The following SLC44A1 variants were observed in gnomAD, a reference collection of about 807,000 sequenced individuals.
SLC44A1 encodes solute carrier family 44 member 1.
A neutral mutation model predicts 79.3 loss-of-function variants in SLC44A1; 26 were observed. The ratio of observed to expected loss-of-function variants is 0.33; its 90% CI spans 0.24 to 0.46. The LOEUF (loss-of-function observed/expected upper bound fraction) is 0.46. Among genes scored for constraint, SLC44A1 ranks in the 20% least tolerant of loss-of-function variants. The probability of loss-of-function intolerance (pLI) is 1.00; values close to 1 mark genes in which losing one functional copy is unlikely to be tolerated. For missense variants in SLC44A1, 688 were observed against 798.1 expected (o/e 0.86, Z 1.66); for synonymous variants, 263 against 286.2 (o/e 0.92, Z 0.82).
intron 4 of SLC44A1, among the ~76,000 whole-genome samples, chr9:105,341,165 T>A (rs1827075430): frequency 1.3e-5 from 2 of 151,996 alleles, no homozygotes; most frequent in South Asian, 4.2e-4. Flanking sequence ...TGAAACCTCA[T>A]CTCTACTAAA....
Position 105,383,022 on chromosome 9 carries a change from C to G in SLC44A1, c.1633-101C>G. ...TTGAGATGGAATGGCCTCATGCAAC[C>G]ATCATTTATAAATAGTAGAATTTTA... On this transcript the variant is annotated intron_variant, in intron 13 of 15. Coordinates refer to ENST00000374720, the MANE Select transcript of SLC44A1 (RefSeq NM_080546.5). 3.9e-6 allele frequency: 3 copies of G among 778,632 alleles called. No homozygotes were observed. In the South Asian group the frequency reaches 5.0e-5, roughly 13 times the overall value. 48.2% of individuals were successfully genotyped at this position (778,632 alleles called of 1,614,324 possible).
intron 5 of SLC44A1, among the ~76,000 whole-genome samples, chr9:105,352,861 GA>G (rs1276813869): frequency 6.6e-6 from 1 of 152,022 alleles, no homozygotes; most frequent in Non-Finnish European, 1.5e-5. Flanking sequence ...TTTTTGATAA[GA>G]AAACAATTGA....
chr9:105,374,761 C>A, intron 13 of SLC44A1, 26 bp downstream of exon 13: 6 of 1,558,182 alleles, frequency 3.9e-6, no homozygotes, highest in Non-Finnish European at 5.3e-6. Context: ...TTTTCTGCAA[C>A]ATACAGTAAA....
chr9:105,379,333 C>T (rs1028692319), intron 13 of SLC44A1, among the ~76,000 whole-genome samples: 14 of 151,966 alleles, frequency 9.2e-5, no homozygotes, highest in African/African-American at 1.5e-4. Flanking sequence ...GGTTAGAGAT[C>T]GGGTTGAGGA....
At chr9:105,381,594 A>G (rs957231860) in intron 13 of SLC44A1, among the ~76,000 whole-genome samples, 1 of 151,634 alleles carries the variant, frequency 6.6e-6, no homozygotes, top group Non-Finnish European at 1.5e-5. Flanking sequence ...GTAATTAACC[A>G]TCTATGGAAA....
chr9:105,395,889 C>T lies in SLC44A1; in HGVS notation c.*6833C>T, dbSNP rs529308020. ...TTCTTCATTTACCATGTTGATAATC[C>T]GGTGGTGACTTTTTTTTTTTTTTTG... On this transcript the variant is annotated 3_prime_UTR_variant, in exon 16 of 16. Coordinates refer to ENST00000374720, the MANE Select transcript of SLC44A1 (RefSeq NM_080546.5). The T allele has an allele frequency of 9.1e-5, 89 of 977,350 alleles. No individual in the cohort carries two copies. The East Asian group carries it at 6.1e-3, about 67-fold the overall frequency. 60.5% of individuals were successfully genotyped at this position (977,350 alleles called of 1,614,324 possible).
chr9:105,363,197 C>T (rs1827835414), intron 9 of SLC44A1, among the ~76,000 whole-genome samples, 190 bp downstream of exon 9: 1 of 151,992 alleles, frequency 6.6e-6, no homozygotes, highest in Non-Finnish European at 1.5e-5. Flanking sequence ...GAGTCTTGCT[C>T]TGTCACCCAG....
At chr9:105,319,523 C>T (rs1358637863) in intron 3 of SLC44A1, among the ~76,000 whole-genome samples, 1 of 152,116 alleles carries the variant, frequency 6.6e-6, no homozygotes, top group Admixed American at 6.5e-5. Flanking sequence ...GACTCAGGCT[C>T]CAGTCTCCAG....
At chr9:105,250,124 C>T (rs1412452257) in intron 1 of SLC44A1, among the ~76,000 whole-genome samples, 1 of 152,010 alleles carries the variant, frequency 6.6e-6, no homozygotes, top group Non-Finnish European at 1.5e-5. Context: ...TATGCTCCTG[C>T]CTTGGCCTCC....
At chr9:105,437,341 A>C (rs1295524576) in intron 15 of SLC44A1, among the ~76,000 whole-genome samples, 2 of 152,030 alleles carry the variant, frequency 1.3e-5, no homozygotes, top group African/African-American at 4.8e-5. Flanking sequence ...AGCTATTGAG[A>C]TCTAGATCTA....
At chr9:105,300,138 A>G (rs1029707213) in intron 2 of SLC44A1, among the ~76,000 whole-genome samples, 2 of 152,198 alleles carry the variant, frequency 1.3e-5, no homozygotes, top group African/African-American at 4.8e-5. Context: ...TATTTTACAG[A>G]TTAAAAACAT....
chr9:105,255,400 C>T (rs1489996355), intron 1 of SLC44A1, among the ~76,000 whole-genome samples: 1 of 152,058 alleles, frequency 6.6e-6, no homozygotes, highest in African/African-American at 2.4e-5. Flanking sequence ...TCTTGAGATA[C>T]ATTAAGAGCC....
rs1827308638 is a variant in SLC44A1 at position 105,348,514 on chromosome 9, TA to T, written c.500+64del. On this transcript the variant is annotated intron_variant, in intron 5 of 15. Coordinates refer to ENST00000374720, the MANE Select transcript of SLC44A1 (RefSeq NM_080546.5). Reference sequence around the variant, plus strand: ...GTTTTTGTAGGTAAATTTTAAACAATATATGTTATTCTGAGAAAATAGTCAT... The same window carrying T: ...GTTTTTGTAGGTAAATTTTAAACAATTATGTTATTCTGAGAAAATAGTCAT... The T allele has an allele frequency of 4.0e-6, 4 of 1,002,004 alleles. No homozygotes were observed. In the African/African-American group the frequency reaches 6.4e-5, roughly 16 times the overall value. 62.1% of individuals were successfully genotyped at this position (1,002,004 alleles called of 1,614,324 possible). A position where few individuals can be genotyped will look rare whatever the true frequency, so the allele number is the denominator to read the frequency against.
At chr9:105,437,355 A>C (rs904351215) in intron 15 of SLC44A1, among the ~76,000 whole-genome samples, 11 of 152,102 alleles carry the variant, frequency 7.2e-5, no homozygotes, top group Non-Finnish European at 1.2e-4. Context: ...AGATCTAGAT[A>C]TAGATGTCTA....
intron 1 of SLC44A1, among the ~76,000 whole-genome samples, chr9:105,247,090 AT>A (rs11382735): frequency 0.056 from 7,757 of 137,462 alleles, 239 homozygotes; most frequent in East Asian, 0.12. Flanking sequence ...AGAGCTGGTG[AT>A]TTTTTTTTTT....
chr9:105,339,154 A>G (rs1381286319), intron 4 of SLC44A1, among the ~76,000 whole-genome samples: 1 of 152,234 alleles, frequency 6.6e-6, no homozygotes, highest in Non-Finnish European at 1.5e-5. Flanking sequence ...ACAGAGTGAA[A>G]AGTCAACCCA....
chr9:105,268,222 A>G (rs1025281395), intron 1 of SLC44A1, among the ~76,000 whole-genome samples: 6 of 152,152 alleles, frequency 3.9e-5, no homozygotes, highest in African/African-American at 1.4e-4. Context: ...CCAGTTCCAG[A>G]GATATATTAA....
At chr9:105,362,570 GA>G (rs1203749748) in intron 8 of SLC44A1, among the ~76,000 whole-genome samples, 1 of 151,954 alleles carries the variant, frequency 6.6e-6, no homozygotes, top group African/African-American at 2.4e-5. Flanking sequence ...AAGGGAAAAG[GA>G]AAAAAATTCT....
In SLC44A1 at chr9:105,244,745, C is replaced by A; in HGVS notation, c.-124C>A. On this transcript the variant is annotated 5_prime_UTR_variant, in exon 1 of 16. Coordinates refer to ENST00000374720, the MANE Select transcript of SLC44A1 (RefSeq NM_080546.5). ...GAGTACCAGCCGCCGCTGCAGCCGC[C>A]GCCGCCGCCTAGCCGTGCGGTGCCA... 2.3e-6 allele frequency: 1 copy of A among 441,360 alleles called. No individual in the cohort carries two copies. Among genetic ancestry groups the A allele is most frequent in the Non-Finnish European group, 3.4e-6 (1 of 294,016 alleles). 27.3% of individuals were successfully genotyped at this position (441,360 alleles called of 1,614,324 possible).
Sources: allele counts gnomAD v4.1 joint callset (sites outside exome capture counted in the v4.1 genomes callset), GRCh38; gene constraint gnomAD v4.1.1; transcripts MANE v1.5; gene names NCBI Gene and HGNC (gene_info 2026-07-23, HGNC 2026-07-21).